KIAA0319: variants seen among roughly 807,000 people sequenced by gnomAD.
KIAA0319 encodes the protein dyslexia-associated protein KIAA0319.
A neutral mutation model predicts 108.4 loss-of-function variants in KIAA0319; 83 were observed. That is an observed-to-expected ratio of 0.77 (90% CI 0.64 to 0.92). KIAA0319 has a LOEUF of 0.92. Among genes scored for constraint, KIAA0319 ranks in the 40% least tolerant of loss-of-function variants. KIAA0319 has a pLI of 0.00. For missense variants in KIAA0319, 1,195 were observed against 1,322.4 expected, an observed-to-expected ratio of 0.90 and a Z score of 1.49; for synonymous variants, 484 against 510.4, an observed-to-expected ratio of 0.95 and a Z score of 0.70.
At chr6:24,626,766 C>T (rs1017273493) in intron 1 of KIAA0319, among the ~76,000 whole-genome samples, 1 of 152,080 alleles carries the variant, frequency 6.6e-6, no homozygotes, top group Non-Finnish European at 1.5e-5. Flanking sequence ...GTTTCCATTC[C>T]AGTGGAAGGG....
At chr6:24,631,666 T>C (rs533935813) in intron 1 of KIAA0319, among the ~76,000 whole-genome samples, 15 of 152,336 alleles carry the variant, frequency 9.8e-5, no homozygotes, top group Non-Finnish European at 1.6e-4. Context: ...TCCCTAATTA[T>C]GGAAACAACT....
intron 1 of KIAA0319, among the ~76,000 whole-genome samples, chr6:24,624,113 C>T (rs1164852742): frequency 6.9e-6 from 1 of 143,902 alleles, no homozygotes; most frequent in African/African-American, 2.6e-5. Flanking sequence ...CAGCCTCTGC[C>T]TCCTGGGTTC....
At chr6:24,598,135 G>GGCA in intron 2 of KIAA0319, 3 of 445,956 alleles carry the variant, frequency 6.7e-6, no homozygotes, top group Non-Finnish European at 1.3e-5. Flanking sequence ...CTCTCGAGTG[G>GGCA]GCAGCAGCAG....
chr6:24,598,095 G>T, intron 2 of KIAA0319: 1 of 441,372 alleles, frequency 2.3e-6, no homozygotes, highest in Non-Finnish European at 4.3e-6. Flanking sequence ...ACACAAGCTG[G>T]CCTGGTGCCA....
intron 1 of KIAA0319, among the ~76,000 whole-genome samples, chr6:24,601,581 A>G (rs1770627559): frequency 6.6e-6 from 1 of 152,232 alleles, no homozygotes; most frequent in African/African-American, 2.4e-5. Context: ...AAAAAGAGAA[A>G]GCCTCAGGTG....
Position 24,554,630 on chromosome 6 carries a change from C to T in KIAA0319, c.2859G>A (p.Glu953=). The change falls in exon 19 of 21, where the codon GAG becomes GAA. Residue 953 remains glutamate (E), a splice_region_variant and synonymous_variant. Coordinates refer to ENST00000378214, the MANE Select transcript of KIAA0319 (RefSeq NM_014809.4). The part of the protein sequence containing the change: ...RYIWDGESNC[E]WSIFYVTVLA... ...ACACTGTCACATAGAATATACTCCACTCTGAAACACAAGAAAACCAAAGTG... is the reference window on the plus strand; with the variant it reads ...ACACTGTCACATAGAATATACTCCATTCTGAAACACAAGAAAACCAAAGTG... 3.1e-6 allele frequency: 5 copies of T among 1,609,180 alleles called. No individual in the cohort carries two copies. Among genetic ancestry groups the T allele is most frequent in the Non-Finnish European group, 4.2e-6 (5 of 1,177,026 alleles).
chr6:24,624,848 A>G (rs1774486275), intron 1 of KIAA0319, among the ~76,000 whole-genome samples: 1 of 152,232 alleles, frequency 6.6e-6, no homozygotes, highest in Non-Finnish European at 1.5e-5. Context: ...GGGCTGAACA[A>G]TGGAACCTGG....
chr6:24,615,247 G>A (rs1459451892), intron 1 of KIAA0319, among the ~76,000 whole-genome samples: 1 of 152,100 alleles, frequency 6.6e-6, no homozygotes, highest in Non-Finnish European at 1.5e-5. Context: ...CAATTGACAG[G>A]AGACTGCTTT....
chr6:24,619,944 T>A (rs1484529642), intron 1 of KIAA0319, among the ~76,000 whole-genome samples: 1 of 152,238 alleles, frequency 6.6e-6, no homozygotes, highest in Non-Finnish European at 1.5e-5. Flanking sequence ...GCCGACCATC[T>A]GAAATGACAA....
chr6:24,574,523 T>A (rs949957458), intron 10 of KIAA0319, among the ~76,000 whole-genome samples: 2 of 152,214 alleles, frequency 1.3e-5, no homozygotes, highest in Non-Finnish European at 2.9e-5. Flanking sequence ...ATGCAACAGC[T>A]ACACTTGGTG....
At chr6:24,617,565 C>T (rs375855485) in intron 1 of KIAA0319, among the ~76,000 whole-genome samples, 2 of 152,132 alleles carry the variant, frequency 1.3e-5, no homozygotes, top group South Asian at 4.1e-4. Context: ...CTGCCAGATA[C>T]AGCACTGATT....
At chr6:24,586,672 T>G (rs913359999) in intron 4 of KIAA0319, among the ~76,000 whole-genome samples, 5 of 152,228 alleles carry the variant, frequency 3.3e-5, no homozygotes, top group Non-Finnish European at 5.9e-5. Context: ...CTCTCTGAGA[T>G]TTCCTCATTT....
rs139497295 is a variant in KIAA0319 at position 24,598,799 on chromosome 6, C to T, written c.56-2181G>A. 775 of 257,022 alleles carry T rather than the reference C, an allele frequency of 3.0e-3. 1 individual carries two copies. The highest frequency in any genetic ancestry group is 8.3e-3 in the Middle Eastern group (6 of 722). 15.9% of individuals were successfully genotyped at this position (257,022 alleles called of 1,614,324 possible). Reference sequence around the variant, plus strand: ...GCTGAGGCAGGAGAATTCCTTGAACCCAGGAGGCAGAGGTTGCAGTGAGCC... The same window carrying T: ...GCTGAGGCAGGAGAATTCCTTGAACTCAGGAGGCAGAGGTTGCAGTGAGCC... On this transcript the variant is annotated intron_variant, in intron 2 of 20. Coordinates refer to ENST00000378214, the MANE Select transcript of KIAA0319 (RefSeq NM_014809.4).
intron 1 of KIAA0319, among the ~76,000 whole-genome samples, chr6:24,628,821 G>C (rs529212799): frequency 3.6e-4 from 55 of 152,166 alleles, no homozygotes; most frequent in Admixed American, 1.5e-3. Context: ...GTCACATGGA[G>C]CTCTCCTTGT....
intron 8 of KIAA0319, among the ~76,000 whole-genome samples, chr6:24,579,434 T>TATATATATATATA (rs1460753947): frequency 8.3e-6 from 1 of 120,336 alleles, no homozygotes; most frequent in African/African-American, 3.4e-5. Context: ...TATATATATC[T>TATATATATATATA]TATATATCTC....
intron 1 of KIAA0319, among the ~76,000 whole-genome samples, chr6:24,615,796 C>G (rs963067246): frequency 8.5e-5 from 13 of 152,160 alleles, no homozygotes; most frequent in African/African-American, 3.1e-4. Flanking sequence ...TTCTCTTTTG[C>G]ATCTTACTAT....
intron 2 of KIAA0319, chr6:24,600,586 C>T: frequency 8.9e-7 from 1 of 1,128,180 alleles, no homozygotes; most frequent in Non-Finnish European, 1.3e-6. Context: ...TTTTTCTAGT[C>T]ATATCACCAC....
chr6:24,580,801 T>C (rs1766393850), intron 7 of KIAA0319, 125 bp downstream of exon 7: 5 of 669,556 alleles, frequency 7.5e-6, no homozygotes, highest in Admixed American at 7.4e-5. Flanking sequence ...TTCTCTACAA[T>C]GGAGCCTAAT....
Position 24,596,179 on chromosome 6 carries a change from C to T in KIAA0319, c.495G>A (p.Lys165=). The T allele has an allele frequency of 6.2e-7, 1 of 1,614,164 alleles. No homozygotes were observed. The highest frequency in any genetic ancestry group is 8.5e-7 in the Non-Finnish European group (1 of 1,180,056). Residue 165 remains lysine, a synonymous_variant, in exon 3 of 21, where the codon AAG becomes AAA. Coordinates refer to ENST00000378214, the MANE Select transcript of KIAA0319 (RefSeq NM_014809.4). ...EYSDDYRELE[K]DLLQPSGKQE... ...GCTTGCCACTGGGTTGCAAGAGGTC[C>T]TTCTCCAGCTCCCGGTAGTCATCTG...
Sources: allele counts gnomAD v4.1 joint callset (sites outside exome capture counted in the v4.1 genomes callset), GRCh38; gene constraint gnomAD v4.1.1; transcripts MANE v1.5; gene names NCBI Gene and HGNC (gene_info 2026-07-23, HGNC 2026-07-21).